The following PTPRD variants were observed in gnomAD, a reference collection of about 807,000 sequenced individuals.
The protein encoded by PTPRD is receptor-type tyrosine-protein phosphatase delta.
A neutral mutation model predicts 214.5 loss-of-function variants in PTPRD; 34 were observed. The observed-to-expected ratio is 0.16, with a 90% CI of 0.12 to 0.21. The LOEUF is 0.21. Among genes scored for constraint, PTPRD ranks in the 10% least tolerant of loss-of-function variants. PTPRD has a pLI of 1.00. For synonymous variants in PTPRD, 1,128 were observed against 845.7 expected (o/e 1.33, Z -5.79); for missense variants, 2,545 against 2,398.7 (o/e 1.06, Z -1.27).
chr9:8,411,418 C>T (rs758552905), intron 35 of PTPRD, among the ~76,000 whole-genome samples: 19 of 152,084 alleles, frequency 1.2e-4, no homozygotes, highest in Admixed American at 4.6e-4. Context: ...ATTCTCCTGC[C>T]TCAGCCTCCC....
At chr9:10,561,916 A>G (rs575381175) in intron 2 of PTPRD, among the ~76,000 whole-genome samples, 1 of 152,272 alleles carries the variant, frequency 6.6e-6, no homozygotes, top group South Asian at 2.1e-4. Flanking sequence ...TATGTATTTT[A>G]TGTTTCAGAG....
intron 11 of PTPRD, chr9:8,958,869 C>T (rs1010038676): frequency 3.3e-5 from 5 of 151,910 alleles, no homozygotes; most frequent in Non-Finnish European, 5.9e-5. Context: ...AGAGAACAGC[C>T]ATTGGATCAA....
At chr9:8,833,443 A>G (rs1444535942) in intron 11 of PTPRD, among the ~76,000 whole-genome samples, 2 of 152,078 alleles carry the variant, frequency 1.3e-5, no homozygotes, top group Non-Finnish European at 2.9e-5. Context: ...AAGTTTATTC[A>G]TCGCTTTAGT....
intron 3 of PTPRD, among the ~76,000 whole-genome samples, chr9:10,118,673 T>G (rs1266623658): frequency 6.6e-6 from 1 of 151,408 alleles, no homozygotes; most frequent in East Asian, 1.9e-4. Flanking sequence ...TAATATAATA[T>G]AAAAATTAAT....
At chr9:10,359,023 C>A (rs1453980500) in intron 2 of PTPRD, among the ~76,000 whole-genome samples, 2 of 151,676 alleles carry the variant, frequency 1.3e-5, no homozygotes, top group Non-Finnish European at 2.9e-5. Context: ...TTGTTTTTTC[C>A]TTGCCTATGT....
chr9:9,169,588 C>G (rs1006602607), intron 10 of PTPRD, among the ~76,000 whole-genome samples: 1 of 152,120 alleles, frequency 6.6e-6, no homozygotes, highest in African/African-American at 2.4e-5. Context: ...AATCATACCC[C>G]TTACATATAT....
At chr9:8,961,738 A>G (rs1333424200) in intron 11 of PTPRD, among the ~76,000 whole-genome samples, 1 of 152,084 alleles carries the variant, frequency 6.6e-6, no homozygotes, top group Non-Finnish European at 1.5e-5. Context: ...AACTGTTACT[A>G]TAATTTTGTC....
At chr9:9,647,082 G>C (rs904768397) in intron 7 of PTPRD, among the ~76,000 whole-genome samples, 1 of 151,830 alleles carries the variant, frequency 6.6e-6, no homozygotes, top group African/African-American at 2.4e-5. Flanking sequence ...ACTTCTTCAG[G>C]TCTGAATAAA....
intron 7 of PTPRD, among the ~76,000 whole-genome samples, chr9:9,717,292 C>A (rs1226455771): frequency 3.9e-4 from 59 of 152,294 alleles, no homozygotes; most frequent in Non-Finnish European, 4.4e-5. Context: ...CGTGATGCCT[C>A]CAGCTTTGTT....
intron 9 of PTPRD, among the ~76,000 whole-genome samples, chr9:9,296,519 C>A (rs988410095): frequency 6.6e-6 from 1 of 151,722 alleles, no homozygotes; most frequent in Non-Finnish European, 1.5e-5. Flanking sequence ...AAACTATGAT[C>A]ATTTATTCCT....
intron 5 of PTPRD, among the ~76,000 whole-genome samples, chr9:9,920,875 G>A (rs149705363): frequency 6.6e-5 from 10 of 152,198 alleles, no homozygotes; most frequent in Admixed American, 3.9e-4. Flanking sequence ...AGCCTATAAC[G>A]CAGGATGAAC....
chr9:10,609,537 C>T (rs2080384015), intron 2 of PTPRD, among the ~76,000 whole-genome samples: 1 of 151,978 alleles, frequency 6.6e-6, no homozygotes, highest in Admixed American at 6.6e-5. Context: ...TCTGCTAATT[C>T]TTGGATATAA....
chr9:10,599,030 G>A (rs1440765785), intron 2 of PTPRD, among the ~76,000 whole-genome samples: 1 of 151,506 alleles, frequency 6.6e-6, no homozygotes, highest in East Asian at 2.0e-4. Flanking sequence ...CCAGCTTCAC[G>A]TGCAACTGGG....
intron 9 of PTPRD, among the ~76,000 whole-genome samples, chr9:9,209,799 T>C (rs10977579): frequency 0.12 from 18,678 of 152,166 alleles, 1,319 homozygotes; most frequent in Middle Eastern, 0.16. Flanking sequence ...AGATTTTACC[T>C]TACTTGCAAT....
At chr9:10,579,408 C>T (rs769271214) in intron 2 of PTPRD, among the ~76,000 whole-genome samples, 1 of 152,110 alleles carries the variant, frequency 6.6e-6, no homozygotes, top group African/African-American at 2.4e-5. Context: ...AGGACAGTGG[C>T]CTCCAGCTGC....
rs117126044 is a variant in PTPRD, at chr9:9,980,731, G to A, written c.-471-42121C>T. On this transcript the variant is annotated intron_variant, in intron 4 of 45. Transcript: ENST00000381196. ...GATACAGAAAAAAAAATTAACACTG[G>A]ATTACAGAACATACAAAGAATTCTC... Among the ~76,000 whole-genome samples the A allele has an allele frequency of 2.7e-5, 4 of 149,988 alleles. No homozygotes were observed. The South Asian group carries it at 6.3e-4, about 24-fold the overall frequency.
chr9:10,555,884 T>C (rs2062456755), intron 2 of PTPRD, among the ~76,000 whole-genome samples: 1 of 151,776 alleles, frequency 6.6e-6, no homozygotes, highest in African/African-American at 2.4e-5. Flanking sequence ...GTGAATAAAA[T>C]AAAAAGGTCA....
At chr9:9,734,925 T>C (rs10977937) in intron 6 of PTPRD, among the ~76,000 whole-genome samples, 6,226 of 152,204 alleles carry the variant, frequency 0.041, 744 homozygotes, top group East Asian at 0.4. Flanking sequence ...TACATAAATT[T>C]AATGTTTTTA....
chr9:10,104,061 G>C (rs1182587461), intron 3 of PTPRD, among the ~76,000 whole-genome samples: 1 of 151,724 alleles, frequency 6.6e-6, no homozygotes, highest in Non-Finnish European at 1.5e-5. Context: ...AAATAAGCCA[G>C]TCACAAAAGG....
Sources: gnomAD v4.1 joint callset for allele counts (sites outside exome capture counted in the v4.1 genomes callset) on GRCh38, gnomAD v4.1.1 for gene constraint, MANE v1.5 for transcripts, NCBI Gene and HGNC (gene_info 2026-07-23, HGNC 2026-07-21) for gene names.